Variants in PPP2R2B observed in about 807,000 individuals in gnomAD.
The protein encoded by PPP2R2B is serine/threonine-protein phosphatase 2A 55 kDa regulatory subunit B beta isoform.
Under a neutral mutation model 46.0 loss-of-function variants are expected in PPP2R2B, and 5 were observed. The observed-to-expected ratio is 0.11, with a 90% confidence interval of 0.06 to 0.23. The LOEUF is 0.23. PPP2R2B is among the 10% of genes least tolerant of loss of function. The probability of loss-of-function intolerance (pLI) is 1.00; values close to 1 mark genes in which losing one functional copy is unlikely to be tolerated. For missense variants in PPP2R2B, 367 were observed against 575.0 expected, an observed-to-expected ratio of 0.64 and a Z score of 3.70; for synonymous variants, 215 against 206.7, an observed-to-expected ratio of 1.04 and a Z score of -0.34.
At chr5:146,739,940 C>G (rs982415907) in intron 2 of PPP2R2B, among the ~76,000 whole-genome samples, 4 of 152,212 alleles carry the variant, frequency 2.6e-5, no homozygotes. Context: ...GTATCCTTAA[C>G]CTAGATTCCT....
intron 2 of PPP2R2B, among the ~76,000 whole-genome samples, chr5:146,733,446 T>C (rs1326098826): frequency 1.3e-5 from 2 of 152,224 alleles, no homozygotes; most frequent in East Asian, 3.8e-4. Flanking sequence ...ATAAGCTCTC[T>C]AATTATAAAT....
Position 146,673,483 on chromosome 5 carries a change from A to ATT in PPP2R2B, c.447+17643_447+17644dup, listed in dbSNP as rs10707394. On this transcript the variant is annotated intron_variant, in intron 5 of 9. Transcript: ENST00000394411. ...TAAGGAAAAGTAACCTATTTAGAAG[A>ATT]TTTTTTTTTTATTGCTACTAGAAAA... Among the ~76,000 whole-genome samples the ATT allele has an allele frequency of 8.5e-3, 1,292 of 151,726 alleles. 22 individuals are homozygous for ATT. The highest frequency in any genetic ancestry group is 0.03 in the African/African-American group (1,244 of 41,288).
chr5:147,058,864 A>T (rs1302446787), upstream of PPP2R2B, among the ~76,000 whole-genome samples: 1 of 152,210 alleles, frequency 6.6e-6, no homozygotes, highest in South Asian at 2.1e-4. Context: ...TCCACAGGAG[A>T]TCTCATATTT....
upstream of PPP2R2B, among the ~76,000 whole-genome samples, chr5:146,882,584 T>C (rs1454787273): frequency 6.6e-6 from 1 of 152,214 alleles, no homozygotes; most frequent in African/African-American, 2.4e-5. Flanking sequence ...TTAAATGAGA[T>C]AATACGTGGA....
rs1554109079 is a variant in PPP2R2B, at chr5:146,585,269, C to CACAT, written c.*4677_*4678insATGT. The CACAT allele has an allele frequency of 6.7e-6, 1 of 150,242 alleles. No homozygotes were observed. The highest frequency in any genetic ancestry group is 2.5e-5 in the African/African-American group (1 of 40,178). The allele number at this position is 150,242 out of a possible 1,614,324, so 9.3% of individuals were successfully genotyped here. On this transcript the variant is annotated 3_prime_UTR_variant, in exon 10 of 10. Transcript: ENST00000394411. ...TTCCATCTACATGCATACACACACA[C>CACAT]ACACACACACACACACACACACACA...
chr5:146,992,339 A>T (rs1349990717), intron 1 of PPP2R2B, among the ~76,000 whole-genome samples: 1 of 152,240 alleles, frequency 6.6e-6, no homozygotes, highest in East Asian at 1.9e-4. Flanking sequence ...TTTTCACTGG[A>T]TATCAGATTG....
intron 1 of PPP2R2B, among the ~76,000 whole-genome samples, chr5:146,971,967 C>G (rs1298875863): frequency 6.6e-6 from 1 of 152,144 alleles, no homozygotes; most frequent in African/African-American, 2.4e-5. Context: ...ATTACTATTA[C>G]CTAAACTTCA....
rs144650168 is a variant in PPP2R2B, at chr5:147,065,873, G to A, written c.50+15186C>T. On this transcript the variant is annotated intron_variant, in intron 2 of 10. Coordinates refer to the PPP2R2B transcript ENST00000394413. Reference sequence around the variant, plus strand: ...AGTTTATGGGGTGCCTGCTGGGTGCGGGTCCGTGAGCTAAATGCCAACAAG... The same window carrying A: ...AGTTTATGGGGTGCCTGCTGGGTGCAGGTCCGTGAGCTAAATGCCAACAAG... Among the ~76,000 whole-genome samples, 260 of 152,092 alleles carry A rather than the reference G, an allele frequency of 1.7e-3. 1 individual carries two copies. Among genetic ancestry groups the A allele is most frequent in the African/African-American group, 6.0e-3 (250 of 41,508 alleles).
At chr5:147,038,744 C>G (rs1407595441) in intron 1 of PPP2R2B, among the ~76,000 whole-genome samples, 1 of 152,070 alleles carries the variant, frequency 6.6e-6, no homozygotes, top group African/African-American at 2.4e-5. Context: ...TTATGGCAAA[C>G]AAGGCACAGT....
At chr5:147,035,262 AAGAG>A (rs1052225242) in intron 1 of PPP2R2B, 1 of 388,190 alleles carries the variant, frequency 2.6e-6, no homozygotes, top group South Asian at 1.9e-5. Flanking sequence ...GCAGGAGAGA[AAGAG>A]AGAGAGTGAG....
chr5:147,008,955 AC>A (rs1286028836), intron 1 of PPP2R2B, among the ~76,000 whole-genome samples: 2 of 152,174 alleles, frequency 1.3e-5, no homozygotes, highest in Non-Finnish European at 2.9e-5. Flanking sequence ...CTTAGATTGC[AC>A]CGTTTGGGCC....
chr5:146,787,594 G>C (rs1159648973), intron 2 of PPP2R2B, among the ~76,000 whole-genome samples: 1 of 151,668 alleles, frequency 6.6e-6, no homozygotes. Flanking sequence ...TTGAGATGGA[G>C]TCTCACTGTG....
chr5:146,636,664 A>G lies in PPP2R2B; in HGVS notation c.790+1587T>C, dbSNP rs1015260983. Among the ~76,000 whole-genome samples, 3 of 152,204 alleles carry G rather than the reference A, an allele frequency of 2.0e-5. No homozygotes were observed. The South Asian group carries it at 6.2e-4, about 32-fold the overall frequency. On this transcript the variant is annotated intron_variant, in intron 7 of 9. Transcript: ENST00000394411. The stretch of plus-strand genomic sequence containing the variant: ...AACAGCTTAAGAAGGACTGGATACT[A>G]TGGGAACCAGACTCTGGGTATAATA...
intron 6 of PPP2R2B, among the ~76,000 whole-genome samples, chr5:146,644,305 T>TTTTTGGCTTTG (rs1053584239): frequency 1.4e-5 from 1 of 73,390 alleles, no homozygotes; most frequent in African/African-American, 3.2e-5. Context: ...TTTTAAATTG[T>TTTTTGGCTTTG]TTTTGGCTTT....
At chr5:146,835,200 T>A (rs1759206632) in intron 2 of PPP2R2B, among the ~76,000 whole-genome samples, 1 of 152,100 alleles carries the variant, frequency 6.6e-6, no homozygotes, top group Non-Finnish European at 1.5e-5. Context: ...AGCAGAAAAA[T>A]TTTGATGACT....
intron 2 of PPP2R2B, among the ~76,000 whole-genome samples, chr5:146,731,406 TA>T (rs1422478800): frequency 3.9e-5 from 6 of 152,190 alleles, no homozygotes; most frequent in African/African-American, 1.4e-4. Flanking sequence ...AATGGAAAAT[TA>T]AAATTATTTT....
At chr5:146,694,187 C>T (rs1030660431) in intron 4 of PPP2R2B, among the ~76,000 whole-genome samples, 3 of 152,188 alleles carry the variant, frequency 2.0e-5, no homozygotes, top group African/African-American at 4.8e-5. Flanking sequence ...ATCTGGGCAT[C>T]ACTTGGGCTG....
At chr5:146,659,432 T>C (rs2151105899) in intron 5 of PPP2R2B, among the ~76,000 whole-genome samples, 1 of 152,334 alleles carries the variant, frequency 6.6e-6, no homozygotes, top group Non-Finnish European at 1.5e-5. Context: ...GCTTGGATCC[T>C]GGCTGTGCTA....
chr5:146,739,726 A>T (rs1581992920), intron 2 of PPP2R2B, among the ~76,000 whole-genome samples: 1 of 152,228 alleles, frequency 6.6e-6, no homozygotes, highest in Non-Finnish European at 1.5e-5. Flanking sequence ...CTCACATTCC[A>T]TGATCACTAT....
Sources: gnomAD v4.1 joint callset for allele counts (sites outside exome capture counted in the v4.1 genomes callset) on GRCh38, gnomAD v4.1.1 for gene constraint, MANE v1.5 for transcripts, NCBI Gene and HGNC (gene_info 2026-07-23, HGNC 2026-07-21) for gene names.